The following DNAH10 variants were observed in gnomAD, a reference collection of about 807,000 sequenced individuals.
The protein encoded by DNAH10 is axonemal beta dynein heavy chain 10.
Under a neutral mutation model 506.6 loss-of-function variants are expected in DNAH10, and 348 were observed. The ratio of observed to expected loss-of-function variants is 0.69; its 90% CI spans 0.63 to 0.75. The LOEUF (loss-of-function observed/expected upper bound fraction) is 0.75, where lower values mean the gene tolerates loss of function less well. DNAH10 is among the 30% of genes least tolerant of loss of function. DNAH10 has a pLI of 0.00. For missense variants in DNAH10, 5,179 were observed against 5,787.1 expected, an observed-to-expected ratio of 0.89 and a Z score of 3.41; for synonymous variants, 2,059 against 2,198.6, an observed-to-expected ratio of 0.94 and a Z score of 1.78.
In DNAH10 at chr12:123,917,507, T is replaced by G; in HGVS notation, c.11003-77T>G. On this transcript the variant is annotated intron_variant, in intron 63 of 78. Transcript: ENST00000673944. The surrounding 1 kb of genome is among the most constrained non-coding windows in gnomAD (Gnocchi z 5.6). ...CTGGCTGAGACCCGCGCTAAGCTTG[T>G]CCCGTCACAGCAGGGCAGCGGGAGA... is the stretch of plus-strand genomic sequence containing the variant. 1.4e-6 allele frequency: 2 copies of G among 1,433,972 alleles called. No individual in the cohort carries two copies. Among genetic ancestry groups the G allele is most frequent in the Admixed American group, 4.0e-5 (2 of 49,394 alleles). The allele number at this position is 1,433,972 out of a possible 1,614,324, so 88.8% of individuals were successfully genotyped here. A position where few individuals can be genotyped will look rare whatever the true frequency, so the allele number is the denominator to read the frequency against.
intron 6 of DNAH10, among the ~76,000 whole-genome samples, chr12:123,782,492 C>G (rs1247696361): frequency 6.2e-5 from 9 of 146,318 alleles, no homozygotes; most frequent in African/African-American, 2.3e-4. Flanking sequence ...TCACTGCAGT[C>G]TCAACCTTCT....
Position 123,924,312 on chromosome 12 carries a change from G to A in DNAH10, c.11646G>A (p.Lys3882=), listed in dbSNP as rs941164366. The change falls in exon 67 of 79, where the codon AAG becomes AAA. Residue 3882 remains lysine (K), a synonymous_variant. Coordinates refer to ENST00000673944, the MANE Select transcript of DNAH10 (RefSeq NM_001372106.1). Reference sequence around the variant, plus strand: ...CCCTGGAGAAAAGCAAAAGAAAAAAGCCCTGCGCTTGGTTGTCTGACCAAG... The same window carrying A: ...CCCTGGAGAAAAGCAAAAGAAAAAAACCCTGCGCTTGGTTGTCTGACCAAG... The part of the protein sequence containing the change: ...NISLEKSKRK[K]PCAWLSDQGW... 6.2e-7 allele frequency: 1 copy of A among 1,611,974 alleles called. No individual in the cohort carries two copies. The highest frequency in any genetic ancestry group is 8.5e-7 in the Non-Finnish European group (1 of 1,178,768).
chr12:123,812,486 C>T (rs972318665), intron 19 of DNAH10, among the ~76,000 whole-genome samples: 1 of 152,124 alleles, frequency 6.6e-6, no homozygotes, highest in African/African-American at 2.4e-5. Flanking sequence ...AAACAAAAAA[C>T]AGAGCCTTAA....
At chr12:123,866,776 T>C (rs771592042) in intron 41 of DNAH10, among the ~76,000 whole-genome samples, 2 of 152,206 alleles carry the variant, frequency 1.3e-5, no homozygotes, top group African/African-American at 4.8e-5. Context: ...TAAACCTTTA[T>C]TTACAAAACA....
intron 57 of DNAH10, chr12:123,908,290 C>G (rs1169312084): frequency 2.2e-6 from 1 of 454,800 alleles, no homozygotes; most frequent in Non-Finnish European, 4.4e-6. Flanking sequence ...GTGCATGTGT[C>G]TCCCCCTCTG....
chr12:123,887,254 C>G lies in DNAH10; in HGVS notation c.8936C>G (p.Thr2979Arg). Residue 2979 changes from threonine to arginine, a missense_variant, in exon 52 of 79, where the codon ACG becomes AGG. Physicochemically the swap from Thr to Arg is moderately conservative, Grantham distance 71. Transcript: ENST00000673944. ...AACAAAGCGATGATCTTTCTGTTCA[C>G]GGATGCCCATGTGGCTGAGGAGGGC... ...IENKAMIFLFTDAHVAEEGFL... is the reference protein window; with the variant it reads ...IENKAMIFLFRDAHVAEEGFL... The G allele has an allele frequency of 6.2e-7, 1 of 1,613,966 alleles. No individual in the cohort carries two copies. The highest frequency in any genetic ancestry group is 8.5e-7 in the Non-Finnish European group (1 of 1,179,868).
intron 10 of DNAH10, 36 bp downstream of exon 10, chr12:123,788,038 G>T (rs1179192912): frequency 1.3e-6 from 2 of 1,550,934 alleles, no homozygotes; most frequent in Non-Finnish European, 1.7e-6. Context: ...AATTTGCCCC[G>T]AAGAAGGCAG....
intron 29 of DNAH10, among the ~76,000 whole-genome samples, chr12:123,839,825 A>C (rs1050827545): frequency 6.6e-6 from 1 of 151,926 alleles, no homozygotes; most frequent in Non-Finnish European, 1.5e-5. Flanking sequence ...ACTGTCATGA[A>C]TTTGTTATGA....
At position 123,918,785 on chromosome 12, in the gene DNAH10, C is replaced by G. The variant is rs537214114; in HGVS notation, c.11342C>G (p.Ser3781Cys). 1.2e-6 allele frequency: 2 copies of G among 1,613,714 alleles called. No homozygotes were observed. The highest frequency in any genetic ancestry group is 1.3e-5 in the African/African-American group (1 of 75,068). ...RRGAILFFVL[S>C]EMALVNSMYQ... ...GGGGCCATCCTGTTCTTCGTCCTGTCTGAGATGGCCCTGGTGAACTCCATG... is the reference window on the plus strand; with the variant it reads ...GGGGCCATCCTGTTCTTCGTCCTGTGTGAGATGGCCCTGGTGAACTCCATG... Residue 3781 changes from serine to cysteine, a missense_variant, in exon 65 of 79, where the codon TCT (serine) becomes TGT (cysteine). Ser to Cys is a moderately radical substitution (Grantham distance 112). Around this residue, in one of 3 missense-constraint regions of DNAH10, gnomAD observed 4,844 missense variants for 5,430.5 expected, o/e 0.89. Coordinates refer to ENST00000673944, the MANE Select transcript of DNAH10 (RefSeq NM_001372106.1).
chr12:123,913,081 A>G lies in DNAH10; in HGVS notation c.10135-17A>G. The G allele has an allele frequency of 6.3e-7, 1 of 1,594,624 alleles. No homozygotes were observed. The highest frequency in any genetic ancestry group is 2.3e-5 in the East Asian group (1 of 44,398). ...ACGGTCCTTTTCCCCATCTTTTTGC[A>G]AATTGTCTTCACTTAGGTGGCCAGG... On this transcript the variant is annotated splice_polypyrimidine_tract_variant and intron_variant, in intron 59 of 78. Transcript: ENST00000673944. The surrounding 1 kb of genome is among the most constrained non-coding windows in gnomAD (Gnocchi z 5.1).
intron 48 of DNAH10, among the ~76,000 whole-genome samples, chr12:123,878,454 G>A (rs1256826869): frequency 6.6e-6 from 1 of 152,178 alleles, no homozygotes; most frequent in Non-Finnish European, 1.5e-5. Flanking sequence ...AATTTTCCAT[G>A]TATCCTGCTT....
At chr12:123,896,148 C>CAGAGAGAG (rs71444923) in intron 54 of DNAH10, among the ~76,000 whole-genome samples, 16 of 95,252 alleles carry the variant, frequency 1.7e-4, no homozygotes, top group African/African-American at 5.7e-4. Flanking sequence ...CACACACACA[C>CAGAGAGAG]AGAGAGAGAG....
rs71088963 is a variant in DNAH10, at chr12:123,866,229, C to CTTTTTTTTT, written c.7167+179_7167+187dup. 7.5e-3 allele frequency among the ~76,000 whole-genome samples: 436 copies of CTTTTTTTTT among 58,202 alleles called. 102 individuals carry two copies. Among genetic ancestry groups the CTTTTTTTTT allele is most frequent in the Middle Eastern group, 0.011 (1 of 90 alleles). 38.2% of individuals were successfully genotyped at this position (58,202 alleles called of 152,430 possible). Reference sequence around the variant, plus strand: ...AATAAGTGAAAACATGGCAGACACACTTTTTTTTTTTTTTTTTTTTTTTTT... The same window carrying CTTTTTTTTT: ...AATAAGTGAAAACATGGCAGACACACTTTTTTTTTTTTTTTTTTTTTTTTTTTTTTTTTT... On this transcript the variant is annotated intron_variant, in intron 41 of 78. Transcript: ENST00000673944.
At chr12:123,843,517 A>G (rs1198773558) in intron 30 of DNAH10, among the ~76,000 whole-genome samples, 1 of 152,162 alleles carries the variant, frequency 6.6e-6, no homozygotes, top group Non-Finnish European at 1.5e-5. Context: ...GCTGCACCAC[A>G]CAATTTTAAA....
intron 24 of DNAH10, among the ~76,000 whole-genome samples, chr12:123,821,608 C>G (rs995731175): frequency 1.3e-5 from 2 of 152,096 alleles, no homozygotes; most frequent in Admixed American, 1.3e-4. Flanking sequence ...GCTGGGATTA[C>G]AGGCATGAGC....
chr12:123,894,634 C>T lies in DNAH10; in HGVS notation c.9200-9C>T. The T allele has an allele frequency of 1.9e-6, 3 of 1,613,362 alleles. No homozygotes were observed. Among genetic ancestry groups the T allele is most frequent in the East Asian group, 2.2e-5 (1 of 44,874 alleles). On this transcript the variant is annotated splice_polypyrimidine_tract_variant and intron_variant, in intron 53 of 78. Coordinates refer to ENST00000673944, the MANE Select transcript of DNAH10 (RefSeq NM_001372106.1). ...GGGAGCATCTTTTTAATCTCTCTTT[C>T]CTTTCAAGGTATGGTAAATAACACT...
rs374379755 is a variant in DNAH10, at chr12:123,866,093, TG to T, written c.7167+21del. ...AACAAGGTGAAATTTTTTTCTAAAA[TG>T]AACTTAAATTTATTAGTATTGATGG... On this transcript the variant is annotated intron_variant, in intron 41 of 78. Transcript: ENST00000673944. 1,328 of 1,572,108 alleles carry T rather than the reference TG, an allele frequency of 8.4e-4. 10 individuals carry two copies. In the African/African-American group the frequency reaches 0.016, roughly 19 times the overall value.
At chr12:123,830,809 G>T in intron 26 of DNAH10, 110 bp downstream of exon 26, 4 of 1,156,126 alleles carry the variant, frequency 3.5e-6, no homozygotes, top group Non-Finnish European at 4.6e-6. Context: ...GCTGAGCGTG[G>T]TGGTATGCCA....
chr12:123,781,096 T>C lies in DNAH10; in HGVS notation c.638T>C (p.Leu213Ser), dbSNP rs1450768967. 8.1e-6 allele frequency: 13 copies of C among 1,600,066 alleles called. No individual in the cohort carries two copies. Among genetic ancestry groups the C allele is most frequent in the Non-Finnish European group, 1.1e-5 (13 of 1,175,726 alleles). Residue 213 changes from leucine to serine, a missense_variant, in exon 6 of 79, where the codon TTG (leucine) becomes TCG (serine). Coordinates refer to ENST00000673944, the MANE Select transcript of DNAH10 (RefSeq NM_001372106.1). Reference sequence around the variant, plus strand: ...GCATTTCAGGTTTTTTTGCCAGCATTGTCCTTCAATCAGCACAGGACGAGT... The same window carrying C: ...GCATTTCAGGTTTTTTTGCCAGCATCGTCCTTCAATCAGCACAGGACGAGT... ...NIICQVFLPA[L>S]SFNQHRTSTT...
Sources: gnomAD v4.1 joint callset for allele counts (sites outside exome capture counted in the v4.1 genomes callset) on GRCh38, gnomAD v4.1.1 for gene constraint, gnomAD v4.1.1 regional missense constraint, Gnocchi (gnomAD v3.1) non-coding constraint, MANE v1.5 for transcripts, NCBI Gene and HGNC (gene_info 2026-07-23, HGNC 2026-07-21) for gene names.